The following NET1 variants were observed in gnomAD, a reference collection of about 807,000 sequenced individuals.
NET1 encodes neuroepithelial cell transforming 1.
NET1 carries 42 observed loss-of-function variants against 61.1 expected under a neutral mutation model. The ratio of observed to expected loss-of-function variants is 0.69; its 90% CI spans 0.54 to 0.89. The LOEUF is 0.89. Ranked by LOEUF, NET1 falls within the 40% of genes least tolerant of loss-of-function variation. NET1 has a pLI of 0.00. For missense variants in NET1, 654 were observed against 747.3 expected (o/e 0.88, Z 1.46); for synonymous variants, 254 against 281.8 (o/e 0.90, Z 0.99).
At chr10:5,419,704 GTT>G (rs367604776) in intron 1 of NET1, among the ~76,000 whole-genome samples, 1 of 73,168 alleles carries the variant, frequency 1.4e-5, no homozygotes, top group Non-Finnish European at 3.1e-5. Context: ...TTTTTTCTTT[GTT>G]TTGTTGTTGT....
In NET1 at chr10:5,446,772, GC is replaced by G; in HGVS notation, c.256-5057del. 1 of 1,601,846 alleles carries G rather than the reference GC, an allele frequency of 6.2e-7. No individual in the cohort carries two copies. Among genetic ancestry groups the G allele is most frequent in the South Asian group, 1.1e-5 (1 of 88,538 alleles). ...GAGGGAGTACTTGGGAAGCATGGTGGCACATGATGAGACTGGAGGTCTCCTA... is the reference window on the plus strand; with the variant it reads ...GAGGGAGTACTTGGGAAGCATGGTGGACATGATGAGACTGGAGGTCTCCTA... On this transcript the variant is annotated intron_variant, in intron 3 of 11. Transcript: ENST00000355029. The surrounding 1 kb of genome is among the most constrained non-coding windows in gnomAD (Gnocchi z 5.0).
Position 5,454,926 on chromosome 10 carries a change from C to T in NET1, c.1027-22C>T. 1 of 1,609,130 alleles carries T rather than the reference C, an allele frequency of 6.2e-7. No individual in the cohort carries two copies. The highest frequency in any genetic ancestry group is 8.5e-7 in the Non-Finnish European group (1 of 1,176,560). On this transcript the variant is annotated intron_variant, in intron 9 of 11. Transcript: ENST00000355029. This position sits in a 1 kb window ranked among gnomAD's most constrained non-coding sequence, Gnocchi z 8.1. The stretch of plus-strand genomic sequence containing the variant: ...AGTTAATAAACTGAAGCTGCTCTGT[C>T]AATTTTATTTATCATTTTCAGATAT...
Position 5,453,227 on chromosome 10 carries a change from G to T in NET1, c.595-23G>T. The stretch of plus-strand genomic sequence containing the variant: ...TGTTTTCCTCACATGATCTCTCTGT[G>T]ACACATTTCTCCCCTCTGACAGGCC... On this transcript the variant is annotated intron_variant, in intron 6 of 11. Transcript: ENST00000355029. The surrounding 1 kb of genome is among the most constrained non-coding windows in gnomAD (Gnocchi z 4.9). 1 of 1,307,164 alleles carries T rather than the reference G, an allele frequency of 7.7e-7. No individual in the cohort carries two copies. The highest frequency in any genetic ancestry group is 1.2e-5 in the South Asian group (1 of 84,870). 81.0% of individuals were successfully genotyped at this position (1,307,164 alleles called of 1,614,324 possible).
Position 5,449,965 on chromosome 10 carries a change from A to G in NET1, c.256-1865A>G, listed in dbSNP as rs1173012822. Among the ~76,000 whole-genome samples the G allele has an allele frequency of 1.3e-5, 2 of 152,100 alleles. No homozygotes were observed. The highest frequency in any genetic ancestry group is 4.8e-5 in the African/African-American group (2 of 41,404). ...TTCCAGTGAAATGTCGGCATTTCTTACTCTGTGAGGTAATTCTATCTTCAG... is the reference window on the plus strand; with the variant it reads ...TTCCAGTGAAATGTCGGCATTTCTTGCTCTGTGAGGTAATTCTATCTTCAG... On this transcript the variant is annotated intron_variant, in intron 3 of 11. Transcript: ENST00000355029. The surrounding 1 kb of genome is among the most constrained non-coding windows in gnomAD (Gnocchi z 4.4).
rs1280571596 is a variant in NET1, at chr10:5,435,228, C to T, written c.255+5999C>T. On this transcript the variant is annotated intron_variant, in intron 3 of 11. Transcript: ENST00000355029. This position sits in a 1 kb window ranked among gnomAD's most constrained non-coding sequence, Gnocchi z 5.0. The stretch of plus-strand genomic sequence containing the variant: ...TAGGGGAGGAAATGAGGATAAGTGA[C>T]ATTGGGACCTAGGAACATTTGATTT... 6.6e-6 allele frequency among the ~76,000 whole-genome samples: 1 copy of T among 152,140 alleles called. No individual in the cohort carries two copies. The highest frequency in any genetic ancestry group is 1.5e-5 in the Non-Finnish European group (1 of 68,016).
Position 5,454,138 on chromosome 10 carries a change from G to GA in NET1, c.769-123dup. The GA allele has an allele frequency of 1.0e-6, 1 of 991,222 alleles. No individual in the cohort carries two copies. The highest frequency in any genetic ancestry group is 1.5e-6 in the Non-Finnish European group (1 of 670,484). The allele number at this position is 991,222 out of a possible 1,614,324, so 61.4% of individuals were successfully genotyped here. On this transcript the variant is annotated intron_variant, in intron 8 of 11. Transcript: ENST00000355029. The surrounding 1 kb of genome is among the most constrained non-coding windows in gnomAD (Gnocchi z 8.1). ...ATTCAGCTTCCATTATTATCTGCCA[G>GA]AAAATGTCCACAGCTTGTTAAAACT...
At chr10:5,442,368 CA>C (rs1327123528) in intron 3 of NET1, among the ~76,000 whole-genome samples, 1 of 151,772 alleles carries the variant, frequency 6.6e-6, no homozygotes, top group Non-Finnish European at 1.5e-5. Context: ...ATGCCTAGAC[CA>C]AAAAAAGTAA....
rs1372853357 is a variant in NET1 at position 5,415,569 on chromosome 10, AG to A, written c.128+2750del. Among the ~76,000 whole-genome samples the A allele has an allele frequency of 6.6e-6, 1 of 151,942 alleles. No homozygotes were observed. The highest frequency in any genetic ancestry group is 6.5e-5 in the Admixed American group (1 of 15,272). On this transcript the variant is annotated intron_variant, in intron 1 of 11. Transcript: ENST00000355029. The surrounding 1 kb of genome is among the most constrained non-coding windows in gnomAD (Gnocchi z 4.7). ...ATTCTCCTGCCTCAGCCTACCAAGT[AG>A]CTGGAACTACAGGCATGTGTCACCA...
At position 5,446,051 on chromosome 10, in the gene NET1, C is replaced by T. The variant is rs1013626564; in HGVS notation, c.256-5779C>T. ...GAAATCTGAAGTAGCCCAGTTTACCCGTAACCTCATGGGAGATTTTCTTCT... is the reference window on the plus strand; with the variant it reads ...GAAATCTGAAGTAGCCCAGTTTACCTGTAACCTCATGGGAGATTTTCTTCT... On this transcript the variant is annotated intron_variant, in intron 3 of 11. Coordinates refer to ENST00000355029, the MANE Select transcript of NET1 (RefSeq NM_001047160.3). This position sits in a 1 kb window ranked among gnomAD's most constrained non-coding sequence, Gnocchi z 5.0. Among the ~76,000 whole-genome samples, 1 of 152,090 alleles carries T rather than the reference C, an allele frequency of 6.6e-6. No individual in the cohort carries two copies. Among genetic ancestry groups the T allele is most frequent in the Admixed American group, 6.5e-5 (1 of 15,278 alleles).
intron 3 of NET1, among the ~76,000 whole-genome samples, chr10:5,438,420 G>A (rs1166397522): frequency 1.3e-5 from 2 of 152,082 alleles, no homozygotes; most frequent in Non-Finnish European, 2.9e-5. Flanking sequence ...CTACCATATT[G>A]TACAGAAATA....
rs2119196865 is a variant in NET1 at position 5,440,614 on chromosome 10, GC to G, written c.256-11213del. ...ATACTGCTTCTGACTTACCATCTTGGCCCAGGTGTAAGGGGTGAAATTTCAG... is the reference window on the plus strand; with the variant it reads ...ATACTGCTTCTGACTTACCATCTTGGCCAGGTGTAAGGGGTGAAATTTCAG... On this transcript the variant is annotated intron_variant, in intron 3 of 11. Coordinates refer to ENST00000355029, the MANE Select transcript of NET1 (RefSeq NM_001047160.3). This position sits in a 1 kb window ranked among gnomAD's most constrained non-coding sequence, Gnocchi z 4.1. Among the ~76,000 whole-genome samples the G allele has an allele frequency of 6.6e-6, 1 of 152,228 alleles. No homozygotes were observed. The highest frequency in any genetic ancestry group is 2.1e-4 in the South Asian group (1 of 4,806).
Position 5,443,400 on chromosome 10 carries a change from T to C in NET1, c.256-8430T>C, listed in dbSNP as rs754119185. On this transcript the variant is annotated intron_variant, in intron 3 of 11. Transcript: ENST00000355029. This position sits in a 1 kb window ranked among gnomAD's most constrained non-coding sequence, Gnocchi z 4.8. ...GATAATAAGTACTTCATAGAGTTGA[T>C]TAAATAACATATAGAACTCTAGCAC... Among the ~76,000 whole-genome samples, 1 of 152,224 alleles carries C rather than the reference T, an allele frequency of 6.6e-6. No individual in the cohort carries two copies. Among genetic ancestry groups the C allele is most frequent in the Non-Finnish European group, 1.5e-5 (1 of 68,044 alleles).
At position 5,422,042 on chromosome 10, in the gene NET1, G is replaced by A. The variant is rs113164833; in HGVS notation, c.129-4613G>A. On this transcript the variant is annotated intron_variant, in intron 1 of 11. Coordinates refer to ENST00000355029, the MANE Select transcript of NET1 (RefSeq NM_001047160.3). This position sits in a 1 kb window ranked among gnomAD's most constrained non-coding sequence, Gnocchi z 4.1. ...ATGGATAATGCTGCTATGAACATTT[G>A]CATGTAAGTCTTAGTGTAGGCTGGG... Among the ~76,000 whole-genome samples, 3 of 152,134 alleles carry A rather than the reference G, an allele frequency of 2.0e-5. No individual in the cohort carries two copies. Among genetic ancestry groups the A allele is most frequent in the Non-Finnish European group, 4.4e-5 (3 of 68,018 alleles).
At position 5,424,617 on chromosome 10, in the gene NET1, C is replaced by T. The variant is rs912993565; in HGVS notation, c.129-2038C>T. ...GATTGTTTTGCGCCACTAAAGAGGC[C>T]GTCAAAAATAGTTTGAGCTCCATGA... On this transcript the variant is annotated intron_variant, in intron 1 of 11. Transcript: ENST00000355029. The surrounding 1 kb of genome is among the most constrained non-coding windows in gnomAD (Gnocchi z 6.1). Among the ~76,000 whole-genome samples, 1 of 152,028 alleles carries T rather than the reference C, an allele frequency of 6.6e-6. No homozygotes were observed. The highest frequency in any genetic ancestry group is 1.9e-4 in the East Asian group (1 of 5,190).
chr10:5,425,985 T>C (rs1337616484), intron 1 of NET1, among the ~76,000 whole-genome samples: 1 of 152,242 alleles, frequency 6.6e-6, no homozygotes, highest in Non-Finnish European at 1.5e-5. Flanking sequence ...TGGCGGCTTA[T>C]ATTTTAGAAA....
At chr10:5,419,842 C>G (rs573660085) in intron 1 of NET1, among the ~76,000 whole-genome samples, 9 of 152,002 alleles carry the variant, frequency 5.9e-5, no homozygotes, top group Non-Finnish European at 4.4e-5. Flanking sequence ...AATGTGTTAT[C>G]ACACTGCTTC....
chr10:5,448,804 G>A (rs1018371264), intron 3 of NET1, among the ~76,000 whole-genome samples: 1 of 151,590 alleles, frequency 6.6e-6, no homozygotes, highest in African/African-American at 2.4e-5. Context: ...GGAACTATGG[G>A]TGCCTTCCAT....
chr10:5,439,142 T>C lies in NET1; in HGVS notation c.255+9913T>C, dbSNP rs1431229423. Among the ~76,000 whole-genome samples, 1 of 152,230 alleles carries C rather than the reference T, an allele frequency of 6.6e-6. No homozygotes were observed. Among genetic ancestry groups the C allele is most frequent in the Non-Finnish European group, 1.5e-5 (1 of 68,046 alleles). ...AATCAGCCAACCCATTTGCCACTGC[T>C]CAGGAGCCTGTGTATATCTGTATGT... is the stretch of plus-strand genomic sequence containing the variant. On this transcript the variant is annotated intron_variant, in intron 3 of 11. Coordinates refer to ENST00000355029, the MANE Select transcript of NET1 (RefSeq NM_001047160.3). This position sits in a 1 kb window ranked among gnomAD's most constrained non-coding sequence, Gnocchi z 4.8.
At position 5,456,485 on chromosome 10, in the gene NET1, A is replaced by G; in HGVS notation, c.1385-103A>G. 1 of 1,194,072 alleles carries G rather than the reference A, an allele frequency of 8.4e-7. No individual in the cohort carries two copies. The highest frequency in any genetic ancestry group is 1.5e-5 in the African/African-American group (1 of 64,908). 74.0% of individuals were successfully genotyped at this position (1,194,072 alleles called of 1,614,324 possible). ...AATGTATTCACATTGACATAAATAA[A>G]TTGCCATAAATTGACAGTCACGTTA... On this transcript the variant is annotated intron_variant, in intron 11 of 11. Coordinates refer to ENST00000355029, the MANE Select transcript of NET1 (RefSeq NM_001047160.3). The surrounding 1 kb of genome is among the most constrained non-coding windows in gnomAD (Gnocchi z 7.0).
Sources: gnomAD v4.1 joint callset for allele counts (sites outside exome capture counted in the v4.1 genomes callset) on GRCh38, gnomAD v4.1.1 for gene constraint, Gnocchi (gnomAD v3.1) non-coding constraint, MANE v1.5 for transcripts, NCBI Gene and HGNC (gene_info 2026-07-23, HGNC 2026-07-21) for gene names.